Variants in CCDC73 observed in about 807,000 individuals in gnomAD.
CCDC73 encodes coiled-coil domain containing 73, also known as coiled-coil domain-containing protein 73.
CCDC73 carries 95 observed loss-of-function variants against 116.5 expected under a neutral mutation model. That is an observed-to-expected ratio of 0.82 (90% CI 0.69 to 0.97). The LOEUF (loss-of-function observed/expected upper bound fraction) is 0.97, where lower values mean the gene tolerates loss of function less well. Among genes scored for constraint, CCDC73 ranks in the 50% least tolerant of loss-of-function variants. CCDC73 has a pLI of 0.00. For missense variants in CCDC73, 1,066 were observed against 1,206.8 expected (o/e 0.88, Z 1.73); for synonymous variants, 398 against 401.3 (o/e 0.99, Z 0.10).
At chr11:32,673,961 T>C (rs767243146) in intron 9 of CCDC73, among the ~76,000 whole-genome samples, 25 of 152,178 alleles carry the variant, frequency 1.6e-4, no homozygotes, top group East Asian at 3.9e-4. Flanking sequence ...TTGAGGCACA[T>C]GGCCAGCCTG....
chr11:32,687,935 A>C (rs1451866210), intron 6 of CCDC73, among the ~76,000 whole-genome samples: 4 of 152,206 alleles, frequency 2.6e-5, no homozygotes, highest in African/African-American at 9.6e-5. Flanking sequence ...AATACTCAGC[A>C]ACCAGCTTGA....
chr11:32,812,104 A>AT, the CCDC73 span, among the ~76,000 whole-genome samples: 3 of 152,118 alleles, frequency 2.0e-5, no homozygotes, highest in African/African-American at 7.2e-5. Context: ...TTCTGGATAT[A>AT]TTTTTAACAA....
At chr11:32,700,085 C>G (rs1016559993) in intron 5 of CCDC73, among the ~76,000 whole-genome samples, 1 of 151,504 alleles carries the variant, frequency 6.6e-6, no homozygotes, top group African/African-American at 2.4e-5. Context: ...AGTAGAGCAT[C>G]CTACCTGAGA....
At chr11:32,804,804 G>T in the CCDC73 span, among the ~76,000 whole-genome samples, 3 of 152,202 alleles carry the variant, frequency 2.0e-5, no homozygotes, top group African/African-American at 7.2e-5. Context: ...CTGTTTGGAT[G>T]CTTTTGATTC....
At chr11:32,708,119 T>C (rs187698291) in intron 3 of CCDC73, among the ~76,000 whole-genome samples, 7 of 152,340 alleles carry the variant, frequency 4.6e-5, no homozygotes, top group Non-Finnish European at 8.8e-5. Flanking sequence ...TTCTTTTACA[T>C]GTGGCTTGCC....
At chr11:32,803,011 G>A in the CCDC73 span, among the ~76,000 whole-genome samples, 1 of 151,662 alleles carries the variant, frequency 6.6e-6, no homozygotes, top group African/African-American at 2.4e-5. Flanking sequence ...CTGGCTTCAA[G>A]TGATCTGCCA....
intron 2 of CCDC73, among the ~76,000 whole-genome samples, chr11:32,726,706 C>A (rs935169627): frequency 1.3e-5 from 2 of 152,012 alleles, no homozygotes; most frequent in African/African-American, 4.8e-5. Flanking sequence ...GAAAGCAAAT[C>A]TCTACATATA....
intron 13 of CCDC73, among the ~76,000 whole-genome samples, chr11:32,641,715 G>GTGTA (rs145985523): frequency 9.4e-5 from 14 of 148,916 alleles, no homozygotes; most frequent in South Asian, 2.1e-4. Context: ...ATATGTGTGT[G>GTGTA]TATATATATA....
At chr11:32,781,931 C>G (rs1320016990) in intron 1 of CCDC73, among the ~76,000 whole-genome samples, 1 of 152,134 alleles carries the variant, frequency 6.6e-6, no homozygotes, top group Non-Finnish European at 1.5e-5. Flanking sequence ...AGCGATGGCA[C>G]GAGAGCAAGT....
intron 1 of CCDC73, among the ~76,000 whole-genome samples, chr11:32,781,607 T>A (rs1226281293): frequency 6.6e-6 from 1 of 152,308 alleles, no homozygotes; most frequent in South Asian, 2.1e-4. Flanking sequence ...CTCTCTGACC[T>A]GGGCAGAAGA....
chr11:32,690,424 C>A (rs1161472005), intron 6 of CCDC73, among the ~76,000 whole-genome samples: 3 of 152,156 alleles, frequency 2.0e-5, no homozygotes, highest in Non-Finnish European at 4.4e-5. Flanking sequence ...CATCCCCCAC[C>A]AGAGGGGTAC....
intron 12 of CCDC73, among the ~76,000 whole-genome samples, chr11:32,647,979 G>T (rs986629554): frequency 6.6e-6 from 1 of 152,044 alleles, no homozygotes; most frequent in Non-Finnish European, 1.5e-5. Context: ...GCAAAAGCTG[G>T]CTCCAGCAAA....
At chr11:32,609,127 T>C (rs749914982) in intron 17 of CCDC73, among the ~76,000 whole-genome samples, 1 of 152,234 alleles carries the variant, frequency 6.6e-6, no homozygotes, top group Non-Finnish European at 1.5e-5. Flanking sequence ...TTGTTACTTA[T>C]GCATATTTCA....
At chr11:32,767,455 G>A (rs1201185076) in intron 1 of CCDC73, among the ~76,000 whole-genome samples, 1 of 152,166 alleles carries the variant, frequency 6.6e-6, no homozygotes, top group African/African-American at 2.4e-5. Context: ...GGCAACAAAA[G>A]CCAACATTGA....
chr11:32,780,496 G>C (rs1850574055), intron 1 of CCDC73, among the ~76,000 whole-genome samples: 1 of 151,782 alleles, frequency 6.6e-6, no homozygotes, highest in African/African-American at 2.4e-5. Context: ...CAACTTCTAA[G>C]AATCTATTCA....
At chr11:32,774,543 A>G (rs1850517355) in intron 1 of CCDC73, among the ~76,000 whole-genome samples, 1 of 152,204 alleles carries the variant, frequency 6.6e-6, no homozygotes. Flanking sequence ...GACACCTTGA[A>G]TAACATTGGT....
At chr11:32,740,694 C>A (rs1363693911) in intron 2 of CCDC73, among the ~76,000 whole-genome samples, 2 of 150,196 alleles carry the variant, frequency 1.3e-5, no homozygotes, top group Non-Finnish European at 2.9e-5. Flanking sequence ...TGATCTTTAT[C>A]ATTTCTTTTC....
At chr11:32,830,439 G>T in the CCDC73 span, 2 of 1,217,760 alleles carry the variant, frequency 1.6e-6, no homozygotes, top group Admixed American at 3.2e-5. Context: ...TGGTGATTCA[G>T]TTCGACAGAA....
At chr11:32,722,500 T>C (rs895215083) in intron 2 of CCDC73, among the ~76,000 whole-genome samples, 1 of 152,014 alleles carries the variant, frequency 6.6e-6, no homozygotes, top group Non-Finnish European at 1.5e-5. Flanking sequence ...TTTTCCAACA[T>C]GGAAGAAGGG....
Sources: allele counts gnomAD v4.1 joint callset (sites outside exome capture counted in the v4.1 genomes callset), GRCh38; gene constraint gnomAD v4.1.1; transcripts MANE v1.5; gene names NCBI Gene and HGNC (gene_info 2026-07-23, HGNC 2026-07-21).